Variants in PTCD2 observed in about 807,000 individuals in gnomAD.
The protein encoded by PTCD2 is pentatricopeptide repeat domain 2.
A neutral mutation model predicts 42.6 loss-of-function variants in PTCD2; 31 were observed. The observed-to-expected ratio is 0.73, with a 90% CI of 0.55 to 0.98. The LOEUF (loss-of-function observed/expected upper bound fraction) is 0.98, where lower values mean the gene tolerates loss of function less well. PTCD2 is among the 50% of genes least tolerant of loss of function. The pLI is 0.00. For missense variants in PTCD2, 476 were observed against 454.8 expected (o/e 1.05, Z -0.42); for synonymous variants, 183 against 170.9 (o/e 1.07, Z -0.55).
Position 72,364,307 on chromosome 5 carries a change from C to G in PTCD2, c.*5880C>G, listed in dbSNP as rs1301210841. 6.6e-6 allele frequency: 1 copy of G among 152,194 alleles called. No individual in the cohort carries two copies. The highest frequency in any genetic ancestry group is 1.9e-4 in the East Asian group (1 of 5,202). 9.4% of individuals were successfully genotyped at this position (152,194 alleles called of 1,614,324 possible). A position where few individuals can be genotyped will look rare whatever the true frequency, so the allele number is the denominator to read the frequency against. On this transcript the variant is annotated 3_prime_UTR_variant, in exon 10 of 10. Transcript: ENST00000380639. ...AGAGCAACAGACATCAAAAAGATAA[C>G]TGGGCAAATGACCACATGATTGCAG...
At chr5:72,350,396 A>G (rs1020765777) in intron 8 of PTCD2, among the ~76,000 whole-genome samples, 2 of 152,222 alleles carry the variant, frequency 1.3e-5, no homozygotes, top group Non-Finnish European at 2.9e-5. Flanking sequence ...TGCCTCTTGC[A>G]CACATAGGAA....
intron 4 of PTCD2, 142 bp from the exon 5 acceptor site, chr5:72,334,876 A>G: frequency 1.7e-6 from 1 of 583,844 alleles, no homozygotes; most frequent in Non-Finnish European, 3.0e-6. Context: ...ACCTGGGTAT[A>G]TAAAATATAT....
intron 2 of PTCD2, among the ~76,000 whole-genome samples, chr5:72,323,700 A>T (rs747786120): frequency 3.3e-5 from 5 of 152,166 alleles, no homozygotes; most frequent in Non-Finnish European, 7.3e-5. Context: ...CCTAGGCTGG[A>T]GTGCAGTTGG....
Position 72,338,831 on chromosome 5 carries a change from C to T in PTCD2, c.753+96C>T, listed in dbSNP as rs186960962. 805 of 658,684 alleles carry T rather than the reference C, an allele frequency of 1.2e-3. 3 individuals carry two copies. The highest frequency in any genetic ancestry group is 3.5e-3 in the Admixed American group (127 of 36,092). The allele number at this position is 658,684 out of a possible 1,614,324, so 40.8% of individuals were successfully genotyped here. On this transcript the variant is annotated intron_variant, in intron 7 of 9. Coordinates refer to ENST00000380639, the MANE Select transcript of PTCD2 (RefSeq NM_024754.5). The stretch of plus-strand genomic sequence containing the variant: ...TTTCCTTTTTTCCTTCTGACTGCAT[C>T]GTAAAGAAGTAGTCACCATAAAGAG...
intron 9 of PTCD2, among the ~76,000 whole-genome samples, chr5:72,356,932 A>C (rs1413001592): frequency 1.3e-5 from 2 of 152,212 alleles, no homozygotes; most frequent in Non-Finnish European, 2.9e-5. Context: ...GATCCCAATT[A>C]AATTCCATCA....
At chr5:72,324,725 C>G (rs1310992051) in intron 2 of PTCD2, among the ~76,000 whole-genome samples, 1 of 152,110 alleles carries the variant, frequency 6.6e-6, no homozygotes, top group Non-Finnish European at 1.5e-5. Flanking sequence ...TCATTGTTTT[C>G]AGGTAGCTTT....
Position 72,358,457 on chromosome 5 carries a change from G to A in PTCD2, c.*30G>A. The A allele has an allele frequency of 6.6e-7, 1 of 1,523,342 alleles. No individual in the cohort carries two copies. Among genetic ancestry groups the A allele is most frequent in the Non-Finnish European group, 9.1e-7 (1 of 1,101,346 alleles). 94.4% of individuals were successfully genotyped at this position (1,523,342 alleles called of 1,614,324 possible). A position where few individuals can be genotyped will look rare whatever the true frequency, so the allele number is the denominator to read the frequency against. Reference sequence around the variant, plus strand: ...GGTTTCAGTCCACCTATGGATCTGAGGGGCCTGCTTCTAGTGAGTTATTAC... The same window carrying A: ...GGTTTCAGTCCACCTATGGATCTGAAGGGCCTGCTTCTAGTGAGTTATTAC... On this transcript the variant is annotated 3_prime_UTR_variant, in exon 10 of 10. Transcript: ENST00000380639.
At chr5:72,325,628 A>G (rs906780763) in intron 2 of PTCD2, among the ~76,000 whole-genome samples, 2 of 152,192 alleles carry the variant, frequency 1.3e-5, no homozygotes, top group Admixed American at 1.3e-4. Flanking sequence ...TCTCAAACCT[A>G]GTAGGTCTTT....
intron 4 of PTCD2, among the ~76,000 whole-genome samples, chr5:72,331,740 T>G (rs776967947): frequency 7.9e-5 from 12 of 152,224 alleles, no homozygotes; most frequent in Non-Finnish European, 1.3e-4. Flanking sequence ...GTATTTGTAT[T>G]TTTCTGGTTG....
intron 4 of PTCD2, among the ~76,000 whole-genome samples, chr5:72,334,731 A>G (rs1003966630): frequency 6.6e-6 from 1 of 151,932 alleles, no homozygotes; most frequent in Non-Finnish European, 1.5e-5. Context: ...TTGTATTTTT[A>G]GTAGAGACGG....
At position 72,359,743 on chromosome 5, in the gene PTCD2, G is replaced by T. The variant is rs529725655; in HGVS notation, c.*1316G>T. On this transcript the variant is annotated 3_prime_UTR_variant, in exon 10 of 10. Coordinates refer to ENST00000380639, the MANE Select transcript of PTCD2 (RefSeq NM_024754.5). ...CTGAGGACAGGATCCGCATATGAGA[G>T]TCGCACATTGGTATAATTGATTTGT... 1 of 152,234 alleles carries T rather than the reference G, an allele frequency of 6.6e-6. No individual in the cohort carries two copies. The highest frequency in any genetic ancestry group is 2.1e-4 in the South Asian group (1 of 4,824). The allele number at this position is 152,234 out of a possible 1,614,324, so 9.4% of individuals were successfully genotyped here.
chr5:72,356,641 G>T (rs1214441357), intron 9 of PTCD2, among the ~76,000 whole-genome samples: 9 of 152,212 alleles, frequency 5.9e-5, no homozygotes, highest in African/African-American at 2.2e-4. Context: ...TATTTCTGTA[G>T]TTATGTAACA....
chr5:72,326,789 G>A (rs369139850), intron 3 of PTCD2, 48 bp downstream of exon 3: 114 of 1,587,216 alleles, frequency 7.2e-5, no homozygotes, highest in Non-Finnish European at 8.8e-5. Context: ...TTCTTACTCT[G>A]TTCCTTTCTA....
intron 9 of PTCD2, 107 bp from the exon 10 acceptor site, chr5:72,358,096 G>T: frequency 9.9e-7 from 1 of 1,014,618 alleles, no homozygotes; most frequent in Non-Finnish European, 1.5e-6. Context: ...ACCTCGCCTG[G>T]CCTACCATAC....
chr5:72,344,415 A>G (rs1752243183), intron 8 of PTCD2, among the ~76,000 whole-genome samples: 1 of 152,170 alleles, frequency 6.6e-6, no homozygotes, highest in Non-Finnish European at 1.5e-5. Flanking sequence ...CGGGAGGCTG[A>G]GGCAGGGGAA....
intron 7 of PTCD2, among the ~76,000 whole-genome samples, chr5:72,339,484 G>T (rs1180164520): frequency 1.3e-5 from 2 of 152,122 alleles, no homozygotes; most frequent in Non-Finnish European, 2.9e-5. Context: ...AAAACGTGAG[G>T]GTGATGCATT....
chr5:72,332,764 T>G (rs1751508811), intron 4 of PTCD2, among the ~76,000 whole-genome samples: 1 of 152,174 alleles, frequency 6.6e-6, no homozygotes, highest in African/African-American at 2.4e-5. Context: ...GCCGAACTTC[T>G]CTTGTTCCCT....
intron 9 of PTCD2, among the ~76,000 whole-genome samples, chr5:72,353,450 T>G (rs1752718062): frequency 6.6e-6 from 1 of 152,204 alleles, no homozygotes; most frequent in African/African-American, 2.4e-5. Context: ...TCATAAAAAC[T>G]CAGTTTTTTT....
chr5:72,346,980 ACAGTGAGGTAAG>A (rs1752390023), intron 8 of PTCD2, among the ~76,000 whole-genome samples: 1 of 152,250 alleles, frequency 6.6e-6, no homozygotes, highest in Non-Finnish European at 1.5e-5. Context: ...AAGAAATCAA[ACAGTGAGGTAAG>A]CAGGTTTTAA....
Sources: allele counts gnomAD v4.1 joint callset (sites outside exome capture counted in the v4.1 genomes callset), GRCh38; gene constraint gnomAD v4.1.1; transcripts MANE v1.5; gene names NCBI Gene and HGNC (gene_info 2026-07-23, HGNC 2026-07-21).